CTIF: variants seen among roughly 807,000 people sequenced by gnomAD.
CTIF encodes the protein CBP80/20-dependent translation initiation factor.
In CTIF, 21 loss-of-function variants were observed where a neutral mutation model predicts 66.0. The observed-to-expected ratio is 0.32, with a 90% CI of 0.23 to 0.46. The LOEUF (loss-of-function observed/expected upper bound fraction) is 0.46, where lower values mean the gene tolerates loss of function less well. Ranked by LOEUF, CTIF falls within the 20% of genes least tolerant of loss-of-function variation. The pLI is 1.00. For synonymous variants in CTIF, 345 were observed against 326.4 expected, an observed-to-expected ratio of 1.06 and a Z score of -0.62; for missense variants, 739 against 812.7, an observed-to-expected ratio of 0.91 and a Z score of 1.10.
At chr18:48,610,374 AGCCCACCTGGATGCCCACCTGGAT>A (rs370162038) in intron 1 of CTIF, among the ~76,000 whole-genome samples, 9,112 of 141,308 alleles carry the variant, frequency 0.064, 919 homozygotes, top group African/African-American at 0.21. Context: ...CACGTCACAG[AGCCCACCTGGATGCCCACCTGGAT>A]GCCCACCTGG....
chr18:48,708,395 C>G (rs1205064726), intron 6 of CTIF, among the ~76,000 whole-genome samples: 1 of 152,194 alleles, frequency 6.6e-6, no homozygotes, highest in African/African-American at 2.4e-5. Flanking sequence ...CAGCTACCAT[C>G]TTGAGTTTGA....
chr18:48,540,609 C>T (rs1263743177), intron 1 of CTIF, among the ~76,000 whole-genome samples: 3 of 151,880 alleles, frequency 2.0e-5, no homozygotes, highest in Admixed American at 2.0e-4. Context: ...GTGTGAGCAC[C>T]GCGGGGTGTG....
At chr18:48,717,009 C>T (rs539692203) in intron 7 of CTIF, among the ~76,000 whole-genome samples, 5 of 152,204 alleles carry the variant, frequency 3.3e-5, no homozygotes, top group African/African-American at 4.8e-5. Flanking sequence ...ACATGCTGGA[C>T]GTTGCAGGGT....
At chr18:48,699,417 T>TGGGGCTGGGGCTGGAGCC (rs1277263713) in intron 6 of CTIF, among the ~76,000 whole-genome samples, 8 of 70,712 alleles carry the variant, frequency 1.1e-4, no homozygotes, top group Admixed American at 4.4e-4. Context: ...GGGCTGGGGC[T>TGGGGCTGGGGCTGGAGCC]GGGGCTGGGG....
intron 3 of CTIF, among the ~76,000 whole-genome samples, chr18:48,638,864 G>T (rs1485978619): frequency 6.6e-6 from 1 of 152,264 alleles, no homozygotes; most frequent in Non-Finnish European, 1.5e-5. Flanking sequence ...GGAGGACAGG[G>T]TCTCTGCATA....
chr18:48,713,453 G>A (rs961923141), intron 7 of CTIF, among the ~76,000 whole-genome samples: 2 of 152,160 alleles, frequency 1.3e-5, no homozygotes, highest in Non-Finnish European at 2.9e-5. Flanking sequence ...CCTCCGGAAA[G>A]CAGCAGCGTG....
intron 10 of CTIF, among the ~76,000 whole-genome samples, chr18:48,851,971 A>T (rs974306151): frequency 1.3e-5 from 2 of 152,118 alleles, no homozygotes; most frequent in African/African-American, 4.8e-5. Context: ...GTTCATGCCT[A>T]TAATTTACCT....
chr18:48,585,101 G>A (rs1202397600), intron 1 of CTIF, among the ~76,000 whole-genome samples: 1 of 152,224 alleles, frequency 6.6e-6, no homozygotes, highest in East Asian at 1.9e-4. Flanking sequence ...CTGCGGATGG[G>A]GCAGAGGTGG....
intron 9 of CTIF, among the ~76,000 whole-genome samples, chr18:48,802,593 T>G (rs2068069891): frequency 6.6e-6 from 1 of 152,188 alleles, no homozygotes; most frequent in Non-Finnish European, 1.5e-5. Context: ...AGCTGCTGTG[T>G]GGGGCAGAGC....
intron 9 of CTIF, among the ~76,000 whole-genome samples, chr18:48,793,942 G>A (rs1474724208): frequency 6.6e-6 from 1 of 152,184 alleles, no homozygotes; most frequent in African/African-American, 2.4e-5. Context: ...AGCCACCCAT[G>A]CCCGCACAGT....
chr18:48,794,679 G>C (rs1376551265), intron 9 of CTIF, among the ~76,000 whole-genome samples: 1 of 152,218 alleles, frequency 6.6e-6, no homozygotes, highest in African/African-American at 2.4e-5. Flanking sequence ...ATGATTGAAG[G>C]CAGGTGGGAT....
At chr18:48,626,656 G>GT (rs61179877) in intron 2 of CTIF, among the ~76,000 whole-genome samples, 5,099 of 107,952 alleles carry the variant, frequency 0.047, 339 homozygotes, top group African/African-American at 0.16. Context: ...TTTTTTTTTT[G>GT]TTTTTTTTTT....
At chr18:48,820,192 G>C (rs1314116681) in intron 10 of CTIF, among the ~76,000 whole-genome samples, 1 of 152,112 alleles carries the variant, frequency 6.6e-6, no homozygotes, top group African/African-American at 2.4e-5. Context: ...CCTAAAACTG[G>C]GCCAAAAGAA....
intron 7 of CTIF, among the ~76,000 whole-genome samples, chr18:48,721,119 C>A (rs919884761): frequency 6.6e-6 from 1 of 152,192 alleles, no homozygotes; most frequent in Non-Finnish European, 1.5e-5. Flanking sequence ...ACTACTCTTT[C>A]TCGATCACAA....
intron 3 of CTIF, among the ~76,000 whole-genome samples, chr18:48,647,804 A>G (rs903212325): frequency 1.1e-4 from 16 of 151,942 alleles, no homozygotes; most frequent in African/African-American, 3.9e-4. Context: ...CAGGACTCCT[A>G]GGTCACCCCC....
intron 1 of CTIF, among the ~76,000 whole-genome samples, chr18:48,581,981 G>C (rs2089667277): frequency 1.3e-5 from 2 of 152,092 alleles, no homozygotes. Flanking sequence ...AGGATGATGG[G>C]TTTGGAGTTG....
intron 1 of CTIF, among the ~76,000 whole-genome samples, chr18:48,603,293 GTGGATGGATGGGTAGATGGATGGT>G (rs2090133766): frequency 6.7e-6 from 1 of 148,522 alleles, no homozygotes; most frequent in Admixed American, 6.7e-5. Flanking sequence ...CGATGGGTGG[GTGGATGGATGGGTAGATGGATGGT>G]TGGATGGATA....
intron 9 of CTIF, among the ~76,000 whole-genome samples, chr18:48,808,839 T>A (rs906138527): frequency 1.3e-5 from 2 of 152,254 alleles, no homozygotes. Context: ...TGTTGTTTTG[T>A]TTTTAGTTAT....
rs1049920783 is a variant in CTIF at position 48,631,952 on chromosome 18, G to A, written c.181-4662G>A. Among the ~76,000 whole-genome samples, 3 of 152,180 alleles carry A rather than the reference G, an allele frequency of 2.0e-5. No homozygotes were observed. The East Asian group carries it at 5.8e-4, about 29-fold the overall frequency. ...GAGAGGTGGACCCTTCTTCATTCTT[G>A]ACTCATCTCCTATAGATCAGGACAG... On this transcript the variant is annotated intron_variant, in intron 2 of 11. Transcript: ENST00000256413.
Sources: allele counts gnomAD v4.1 joint callset (sites outside exome capture counted in the v4.1 genomes callset), GRCh38; gene constraint gnomAD v4.1.1; transcripts MANE v1.5; gene names NCBI Gene and HGNC (gene_info 2026-07-23, HGNC 2026-07-21).